Variants in TBC1D8B observed in about 807,000 individuals in gnomAD.
The protein encoded by TBC1D8B is TBC1 domain family member 8B.
TBC1D8B carries 75 observed loss-of-function variants against 82.9 expected under a neutral mutation model. The observed-to-expected ratio is 0.90, with a 90% confidence interval of 0.75 to 1.10. The LOEUF is 1.10. Ranked by LOEUF, TBC1D8B falls within the 50% of genes least tolerant of loss-of-function variation. TBC1D8B has a pLI of 0.00. For synonymous variants in TBC1D8B, 276 were observed against 276.8 expected (o/e 1.00, Z 0.03); for missense variants, 794 against 796.9 (o/e 1.00, Z 0.04).
chrX:106,867,286 C>G (rs774605693), intron 17 of TBC1D8B, among the ~76,000 whole-genome samples: 35 of 111,740 alleles, frequency 3.1e-4, no homozygotes, highest in Non-Finnish European at 4.7e-4. Flanking sequence ...AAAAAGGAAG[C>G]ACAATAAACG....
At position 106,870,760 on chromosome X, in the gene TBC1D8B, G is replaced by A. The variant is rs370115009; in HGVS notation, c.2914G>A (p.Asp972Asn). The A allele has an allele frequency of 4.4e-5, 53 of 1,206,989 alleles. No homozygotes were observed. The highest frequency in any genetic ancestry group is 5.6e-5 in the Non-Finnish European group (50 of 892,939). The change falls in exon 20 of 21, where the codon GAT becomes AAT. Residue 972 changes from aspartate (D) to asparagine (N), a missense_variant. Transcript: ENST00000357242. ...TCAAGCATATCTAAGTCAATGGCAAGATGAGCTTTTCAAAAAAGAAGAAAA... is the reference window on the plus strand; with the variant it reads ...TCAAGCATATCTAAGTCAATGGCAAAATGAGCTTTTCAAAAAAGAAGAAAA... ...DIQAYLSQWQDELFKKEENIK... is the reference protein window; with the variant it reads ...DIQAYLSQWQNELFKKEENIK...
intron 1 of TBC1D8B, among the ~76,000 whole-genome samples, chrX:106,812,859 T>C (rs1931418633): frequency 9.0e-6 from 1 of 111,355 alleles, no homozygotes; most frequent in Non-Finnish European, 1.9e-5. Flanking sequence ...CATTTATTTA[T>C]TTATTTTTGA....
At chrX:106,852,765 A>G (rs1303514738) in intron 12 of TBC1D8B, among the ~76,000 whole-genome samples, 8 of 110,439 alleles carry the variant, frequency 7.2e-5, no homozygotes, top group African/African-American at 9.9e-5. Flanking sequence ...GTTCTGTTCC[A>G]TTGATCTATA....
At chrX:106,866,943 A>G in intron 17 of TBC1D8B, 81 bp downstream of exon 17, 1 of 702,855 alleles carries the variant, frequency 1.4e-6, no homozygotes, top group Non-Finnish European at 2.1e-6. Flanking sequence ...TTTTTTAACA[A>G]CTAAACTAAT....
chrX:106,848,361 T>A, intron 11 of TBC1D8B, 58 bp downstream of exon 11: 1 of 780,488 alleles, frequency 1.3e-6, no homozygotes, highest in East Asian at 3.4e-5. Flanking sequence ...TATATTTCCT[T>A]TCTAAACAAT....
intron 10 of TBC1D8B, among the ~76,000 whole-genome samples, chrX:106,843,146 T>C (rs915076159): frequency 2.2e-4 from 25 of 111,608 alleles, no homozygotes; most frequent in Non-Finnish European, 4.1e-4. Context: ...AATGCTGCTA[T>C]GAATATTCAT....
At position 106,870,815 on chromosome X, in the gene TBC1D8B, T is replaced by C; in HGVS notation, c.2967+2T>C. On this transcript the variant is annotated splice_donor_variant, in intron 20 of 20. Coordinates refer to ENST00000357242, the MANE Select transcript of TBC1D8B (RefSeq NM_017752.3). LOFTEE classifies it high-confidence loss of function. ...AAGGATTTACCAAGAATGAATCAGG[T>C]ATAGCATTTTTAAAAAGAAAATTCT... is the stretch of plus-strand genomic sequence containing the variant. 8.6e-7 allele frequency: 1 copy of C among 1,161,914 alleles called. No homozygotes were observed. The highest frequency in any genetic ancestry group is 1.2e-6 in the Non-Finnish European group (1 of 861,893).
rs1416407539 is a variant in TBC1D8B, at chrX:106,802,834, C to T, written c.-20C>T. On this transcript the variant is annotated 5_prime_UTR_variant, in exon 1 of 21. Coordinates refer to ENST00000357242, the MANE Select transcript of TBC1D8B (RefSeq NM_017752.3). ...AGGAGGGCATCTAGGTCACTGCTCC[C>T]GGGGGGCACAAAGTTCGCGATGTGG... The T allele has an allele frequency of 4.1e-6, 5 of 1,209,430 alleles. No individual in the cohort carries two copies. Among genetic ancestry groups the T allele is most frequent in the Non-Finnish European group, 4.5e-6 (4 of 894,355 alleles).
Position 106,827,211 on chromosome X carries a change from C to T in TBC1D8B, c.1077C>T (p.Val359=), listed in dbSNP as rs1260376875. Residue 359 remains valine (V), a synonymous_variant, in exon 7 of 21, where the codon GTC becomes GTT. Transcript: ENST00000357242. ...AGACAAATGATTCCAGCAAATCTGTCATCATTAGCATCAAAGGAAAAACAG... is the reference window on the plus strand; with the variant it reads ...AGACAAATGATTCCAGCAAATCTGTTATCATTAGCATCAAAGGAAAAACAG... ...IDKTNDSSKS[V]IISIKGKTAF... 1.7e-6 allele frequency: 2 copies of T among 1,209,290 alleles called. No individual in the cohort carries two copies. Among genetic ancestry groups the T allele is most frequent in the African/African-American group, 3.5e-5 (2 of 57,182 alleles).
At chrX:106,836,955 C>A (rs918156215) in intron 7 of TBC1D8B, among the ~76,000 whole-genome samples, 1 of 111,415 alleles carries the variant, frequency 9.0e-6, no homozygotes, top group Non-Finnish European at 1.9e-5. Context: ...CTATTTTCAA[C>A]AAATGGTGCT....
intron 17 of TBC1D8B, among the ~76,000 whole-genome samples, chrX:106,868,121 G>GA (rs1282487780): frequency 9.2e-6 from 1 of 108,300 alleles, no homozygotes; most frequent in African/African-American, 3.4e-5. Flanking sequence ...ATAGCTCTTG[G>GA]AAAACCATTA....
rs1408409762 is a variant in TBC1D8B at position 106,840,066 on chromosome X, G to A, written c.1372G>A (p.Glu458Lys). The A allele has an allele frequency of 8.3e-7, 1 of 1,198,070 alleles. No homozygotes were observed. Among genetic ancestry groups the A allele is most frequent in the East Asian group, 3.0e-5 (1 of 33,465 alleles). The change falls in exon 9 of 21, where the codon GAA (glutamate) becomes AAA (lysine). Residue 458 changes from glutamate (E) to lysine (K), a missense_variant. Physicochemically the swap from Glu to Lys is moderately conservative, Grantham distance 56. Transcript: ENST00000357242. ...ATTACAGTTGAAAGAAAAAATGAAG[G>A]AACAGTCATGGAAAATACTGTTTGC... is the stretch of plus-strand genomic sequence containing the variant. Reference protein sequence around the residue: ...NSKMLKEKMKEQSWKILFAEC... With the variant: ...NSKMLKEKMKKQSWKILFAEC...
intron 10 of TBC1D8B, among the ~76,000 whole-genome samples, chrX:106,844,522 T>C (rs199887559): frequency 2.3e-4 from 24 of 102,891 alleles, no homozygotes; most frequent in Admixed American, 5.3e-4. Flanking sequence ...TATATATATA[T>C]ACACACACAC....
At chrX:106,834,400 C>T (rs5962761) in intron 7 of TBC1D8B, among the ~76,000 whole-genome samples, 6,805 of 110,930 alleles carry the variant, frequency 0.061, 547 homozygotes, top group African/African-American at 0.21. Context: ...GCCCTTGACA[C>T]GTGGGGATTA....
At chrX:106,868,316 A>G in intron 17 of TBC1D8B, 77 bp from the exon 18 acceptor site, 1 of 641,358 alleles carries the variant, frequency 1.6e-6, no homozygotes, top group East Asian at 4.0e-5. Flanking sequence ...GTTCCCAGAT[A>G]TACCTGACCC....
At chrX:106,825,181 A>G (rs954431729) in intron 5 of TBC1D8B, among the ~76,000 whole-genome samples, 89 of 111,790 alleles carry the variant, frequency 8.0e-4, no homozygotes, top group African/African-American at 2.8e-3. Context: ...AAAAATTAAC[A>G]TGGTTGTGTT....
intron 1 of TBC1D8B, chrX:106,814,442 T>G (rs1433059485): frequency 9.4e-6 from 1 of 106,914 alleles, no homozygotes. Flanking sequence ...ATCCAGTCTA[T>G]CATTGTTGGA....
chrX:106,819,175 A>G (rs1931629221), intron 2 of TBC1D8B, among the ~76,000 whole-genome samples: 1 of 110,491 alleles, frequency 9.1e-6, no homozygotes, highest in South Asian at 3.8e-4. Flanking sequence ...AAACATAATG[A>G]CTCCTAAGGA....
chrX:106,829,445 T>C (rs1164172023), intron 7 of TBC1D8B: 2 of 107,846 alleles, frequency 1.9e-5, no homozygotes, highest in East Asian at 5.7e-4. Flanking sequence ...AAAAACTACT[T>C]TAAAGTTCAT....
Sources: gnomAD v4.1 joint callset for allele counts (sites outside exome capture counted in the v4.1 genomes callset) on GRCh38, gnomAD v4.1.1 for gene constraint, MANE v1.5 for transcripts, NCBI Gene and HGNC (gene_info 2026-07-23, HGNC 2026-07-21) for gene names.